The following DAB1 variants were observed in gnomAD, a reference collection of about 807,000 sequenced individuals.
The protein encoded by DAB1 is DAB adaptor protein 1, also known as disabled homolog 1.
Under a neutral mutation model 64.6 loss-of-function variants are expected in DAB1, and 15 were observed. The ratio of observed to expected loss-of-function variants is 0.23; its 90% CI spans 0.16 to 0.36. The LOEUF (loss-of-function observed/expected upper bound fraction) is 0.36. Ranked by LOEUF, DAB1 falls within the 10% of genes least tolerant of loss-of-function variation. The probability of loss-of-function intolerance (pLI) is 1.00; values close to 1 mark genes in which losing one functional copy is unlikely to be tolerated. For missense variants in DAB1, 596 were observed against 706.7 expected, an observed-to-expected ratio of 0.84 and a Z score of 1.78; for synonymous variants, 235 against 251.9, an observed-to-expected ratio of 0.93 and a Z score of 0.64.
intron 4 of DAB1, among the ~76,000 whole-genome samples, chr1:58,215,996 G>A (rs911399744): frequency 1.3e-5 from 2 of 151,642 alleles, no homozygotes; most frequent in East Asian, 1.9e-4. Context: ...TGGATGGATG[G>A]ATGGGTCAAC....
chr1:58,526,442 A>C (rs1338434990), intron 2 of DAB1, among the ~76,000 whole-genome samples: 2 of 152,036 alleles, frequency 1.3e-5, no homozygotes, highest in Non-Finnish European at 2.9e-5. Context: ...GCTTTCACTC[A>C]TTTTTTTAAA....
chr1:57,273,470 C>A (rs535673323), intron 2 of DAB1, among the ~76,000 whole-genome samples: 2 of 152,212 alleles, frequency 1.3e-5, no homozygotes, highest in African/African-American at 2.4e-5. Context: ...TAAGACCTGG[C>A]TGAAGTTGCC....
Position 58,059,170 on chromosome 1 carries a change from C to T in DAB1, n.387+91341G>A, listed in dbSNP as rs543977175. On this transcript the variant is annotated intron_variant and non_coding_transcript_variant, in intron 5 of 20. Coordinates refer to the DAB1 transcript ENST00000485760. ...TATTTTAAGATCCTCCTTTTGCCTC[C>T]CTGGGCTGGTCACTGCCATTACACC... Among the ~76,000 whole-genome samples, 4 of 152,294 alleles carry T rather than the reference C, an allele frequency of 2.6e-5. No homozygotes were observed. In the Middle Eastern group the frequency reaches 0.014, roughly 518 times the overall value.
chr1:58,065,587 G>A (rs1239287217), intron 5 of DAB1, among the ~76,000 whole-genome samples: 1 of 152,166 alleles, frequency 6.6e-6, no homozygotes, highest in African/African-American at 2.4e-5. Context: ...GATACAAAGG[G>A]TGAGAATGGA....
At chr1:57,797,649 C>A (rs563143533) in intron 6 of DAB1, among the ~76,000 whole-genome samples, 1 of 152,314 alleles carries the variant, frequency 6.6e-6, no homozygotes, top group East Asian at 1.9e-4. Context: ...ATTCCTTACA[C>A]GTATAAAAGA....
intron 6 of DAB1, among the ~76,000 whole-genome samples, chr1:57,740,932 C>T (rs1360097073): frequency 1.3e-5 from 2 of 152,054 alleles, no homozygotes; most frequent in Non-Finnish European, 2.9e-5. Context: ...TAAAGGAGGG[C>T]TTCATGGAGG....
At chr1:57,952,638 A>C (rs1312934205) in intron 5 of DAB1, among the ~76,000 whole-genome samples, 2 of 152,210 alleles carry the variant, frequency 1.3e-5, no homozygotes, top group East Asian at 3.9e-4. Context: ...GATTCTGAGA[A>C]GAGAGCAAAG....
intron 1 of DAB1, chr1:57,864,808 A>C (rs1244064497): frequency 5.9e-5 from 9 of 151,818 alleles, no homozygotes; most frequent in African/African-American, 2.2e-4. Context: ...CAGCCTCCCA[A>C]AATGCTGGGA....
At chr1:58,513,815 A>T (rs1194021756) in intron 2 of DAB1, among the ~76,000 whole-genome samples, 1 of 152,174 alleles carries the variant, frequency 6.6e-6, no homozygotes, top group Non-Finnish European at 1.5e-5. Context: ...TACTGTTATG[A>T]CCCTCACTTT....
intron 1 of DAB1, among the ~76,000 whole-genome samples, chr1:57,404,578 T>C (rs1274510223): frequency 1.3e-5 from 2 of 152,148 alleles, no homozygotes; most frequent in Non-Finnish European, 2.9e-5. Context: ...ATAAATGACT[T>C]TTTTTCTCTT....
At chr1:58,119,849 T>C (rs1193334944) in intron 5 of DAB1, among the ~76,000 whole-genome samples, 2 of 152,198 alleles carry the variant, frequency 1.3e-5, no homozygotes, top group East Asian at 1.9e-4. Flanking sequence ...ATGCTCCTAT[T>C]TATTTAGTAA....
At chr1:57,626,686 T>C (rs1645926941) in intron 7 of DAB1, among the ~76,000 whole-genome samples, 2 of 152,160 alleles carry the variant, frequency 1.3e-5, no homozygotes, top group South Asian at 2.1e-4. Flanking sequence ...CTCCAGCAGA[T>C]TGGGTGTCTG....
intron 3 of DAB1, among the ~76,000 whole-genome samples, chr1:58,465,161 C>T (rs1056236366): frequency 2.0e-5 from 3 of 152,164 alleles, no homozygotes; most frequent in South Asian, 2.1e-4. Flanking sequence ...ATCAGAGACT[C>T]GCATGACAAG....
At chr1:57,689,110 G>A (rs1646733676) in intron 6 of DAB1, among the ~76,000 whole-genome samples, 1 of 152,140 alleles carries the variant, frequency 6.6e-6, no homozygotes, top group African/African-American at 2.4e-5. Context: ...AAAACATTTT[G>A]AGGGAAAATG....
chr1:57,402,969 G>A (rs975873564), intron 1 of DAB1, among the ~76,000 whole-genome samples: 1 of 152,098 alleles, frequency 6.6e-6, no homozygotes, highest in East Asian at 1.9e-4. Context: ...TTCCCAAGAA[G>A]AAAACTGGGA....
intron 3 of DAB1, among the ~76,000 whole-genome samples, chr1:58,392,567 G>A (rs558671054): frequency 2.0e-5 from 3 of 152,216 alleles, no homozygotes; most frequent in South Asian, 2.1e-4. Flanking sequence ...CCAGGAACAC[G>A]TTTCAGTCTC....
intron 1 of DAB1, among the ~76,000 whole-genome samples, chr1:57,308,725 A>G (rs998892436): frequency 7.2e-5 from 11 of 152,208 alleles, no homozygotes; most frequent in Non-Finnish European, 1.0e-4. Context: ...CTGTGTATCC[A>G]AATGAAGTTC....
chr1:57,254,745 T>G (rs2100533295), intron 2 of DAB1, among the ~76,000 whole-genome samples: 1 of 152,132 alleles, frequency 6.6e-6, no homozygotes, highest in African/African-American at 2.4e-5. Context: ...AATACAAGGA[T>G]GAAAACAAAA....
chr1:57,483,510 CTCTTTT>C (rs1163794448), intron 7 of DAB1, among the ~76,000 whole-genome samples: 2 of 152,178 alleles, frequency 1.3e-5, no homozygotes, highest in African/African-American at 4.8e-5. Flanking sequence ...TCCATTAAAC[CTCTTTT>C]TCTTTATAAA....
Sources: allele counts gnomAD v4.1 joint callset (sites outside exome capture counted in the v4.1 genomes callset), GRCh38; gene constraint gnomAD v4.1.1; transcripts MANE v1.5; gene names NCBI Gene and HGNC (gene_info 2026-07-23, HGNC 2026-07-21).